The following FREM1 variants were observed in gnomAD, a reference collection of about 807,000 sequenced individuals.
The protein encoded by FREM1 is FRAS1 related extracellular matrix 1.
FREM1 carries 220 observed loss-of-function variants against 210.1 expected under a neutral mutation model. That is an observed-to-expected ratio of 1.05 (90% CI 0.94 to 1.17). The LOEUF is 1.17. Among genes scored for constraint, FREM1 ranks in the 50% most tolerant of loss-of-function variants. The pLI, the probability that FREM1 is intolerant of heterozygous loss-of-function variation, is 0.00. For missense variants in FREM1, 3,454 were observed against 2,675.5 expected (o/e 1.29, Z -6.42); for synonymous variants, 1,189 against 980.2 (o/e 1.21, Z -3.98).
At chr9:14,892,837 C>T (rs979697755) in intron 1 of FREM1, among the ~76,000 whole-genome samples, 3 of 152,162 alleles carry the variant, frequency 2.0e-5, no homozygotes, top group African/African-American at 7.2e-5. Context: ...CAATGCTTTT[C>T]TCTCTCTCCT....
chr9:14,739,889 T>A (rs1014837048), intron 36 of FREM1, among the ~76,000 whole-genome samples: 3 of 152,186 alleles, frequency 2.0e-5, no homozygotes, highest in African/African-American at 7.2e-5. Context: ...TTTAGAAATG[T>A]TATTGCATTG....
Position 14,776,011 on chromosome 9 carries a change from G to A in FREM1, c.4635C>T (p.Leu1545=). 6.2e-7 allele frequency: 1 copy of A among 1,614,010 alleles called. No individual in the cohort carries two copies. The highest frequency in any genetic ancestry group is 8.5e-7 in the Non-Finnish European group (1 of 1,179,876). Reference sequence around the variant, plus strand: ...GGCCATGCTGGGGGAGCTGAACCAAGAGGAAGGTGAGGTTCTCCGCAGGTG... The same window carrying A: ...GGCCATGCTGGGGGAGCTGAACCAAAAGGAAGGTGAGGTTCTCCGCAGGTG... ...PDTPAENLTF[L]LVQLPQHGQL... is the part of the protein sequence containing the mutation. Residue 1545 remains leucine, a synonymous_variant, in exon 25 of 37, where the codon CTC becomes CTT. Coordinates refer to ENST00000380880, the MANE Select transcript of FREM1 (RefSeq NM_001379081.2).
chr9:14,738,787 A>T (rs1213189516), intron 36 of FREM1, among the ~76,000 whole-genome samples: 1 of 152,036 alleles, frequency 6.6e-6, no homozygotes, highest in Non-Finnish European at 1.5e-5. Flanking sequence ...AGGCAGGTGG[A>T]TCACCTGAGG....
chr9:14,775,021 C>G (rs1019455918), intron 25 of FREM1, among the ~76,000 whole-genome samples: 12 of 152,194 alleles, frequency 7.9e-5, no homozygotes, highest in African/African-American at 1.2e-4. Context: ...TTACCCTCAT[C>G]ATTATTATAT....
chr9:14,776,385 AAATGG>A, intron 24 of FREM1, 182 bp from the exon 25 acceptor site: 1 of 551,830 alleles, frequency 1.8e-6, no homozygotes, highest in Non-Finnish European at 3.0e-6. Flanking sequence ...AGTAATGCAT[AAATGG>A]ACCATTCTAC....
At chr9:14,904,114 CAAAAAAAAAAAA>C (rs35708320) in intron 1 of FREM1, among the ~76,000 whole-genome samples, 1 of 71,668 alleles carries the variant, frequency 1.4e-5, no homozygotes, top group South Asian at 6.0e-4. Flanking sequence ...GACTCCGTCT[CAAAAAAAAAAAA>C]AAAAAAAAAA....
chr9:14,769,508 T>G (rs1847131558), intron 27 of FREM1, among the ~76,000 whole-genome samples: 1 of 152,204 alleles, frequency 6.6e-6, no homozygotes, highest in African/African-American at 2.4e-5. Flanking sequence ...ACTTAGCTTT[T>G]TAATGTTTCT....
chr9:14,750,277 C>G lies in FREM1; in HGVS notation c.5408-1G>C. ...ATATTCCACATCTTAGTTGACATTC[C>G]TACAAGAAGTAAACATTTTAATTAC... On this transcript the variant is annotated splice_acceptor_variant, in intron 29 of 36. Coordinates refer to ENST00000380880, the MANE Select transcript of FREM1 (RefSeq NM_001379081.2). LOFTEE classifies it high-confidence loss of function. The G allele has an allele frequency of 1.9e-6, 3 of 1,603,986 alleles. No individual in the cohort carries two copies. The South Asian group carries it at 3.4e-5, about 18-fold the overall frequency.
In FREM1 at chr9:14,848,767, A is replaced by G. The variant is rs1402019929; in HGVS notation, c.1159T>C (p.Leu387=). 7 of 1,600,708 alleles carry G rather than the reference A, an allele frequency of 4.4e-6. No individual in the cohort carries two copies. Among genetic ancestry groups the G allele is most frequent in the South Asian group, 1.1e-5 (1 of 90,776 alleles). ...HSERRHDEVE[L]EVYDFFFERS... ...TCAAAGAAGAAGTCGTATACCTCCA[A>G]TTCTACCTGTAAACAAACAGAGGCA... Residue 387 remains leucine, a synonymous_variant, in exon 7 of 37, where the codon TTG becomes CTG. Coordinates refer to ENST00000380880, the MANE Select transcript of FREM1 (RefSeq NM_001379081.2).
chr9:14,838,125 G>C (rs1300092194), intron 10 of FREM1, among the ~76,000 whole-genome samples: 1 of 152,184 alleles, frequency 6.6e-6, no homozygotes. Flanking sequence ...TAGTTTTGCT[G>C]TGTGTGTCAA....
At chr9:14,826,953 T>G (rs993565231) in intron 10 of FREM1, among the ~76,000 whole-genome samples, 3 of 152,160 alleles carry the variant, frequency 2.0e-5, no homozygotes. Context: ...TTCTATTATT[T>G]ATACATTACC....
chr9:14,861,583 C>G (rs575469298), intron 3 of FREM1, among the ~76,000 whole-genome samples: 106 of 149,418 alleles, frequency 7.1e-4, no homozygotes, highest in Non-Finnish European at 1.2e-3. Context: ...CTCGGCTCAC[C>G]GCAACCTCTG....
chr9:14,908,100 C>T (rs915310693), intron 1 of FREM1, among the ~76,000 whole-genome samples: 1 of 152,136 alleles, frequency 6.6e-6, no homozygotes, highest in Non-Finnish European at 1.5e-5. Flanking sequence ...CTCTGATGGC[C>T]ATGTCCAGTT....
intron 10 of FREM1, among the ~76,000 whole-genome samples, chr9:14,840,614 C>A (rs1455248359): frequency 6.6e-6 from 1 of 152,194 alleles, no homozygotes; most frequent in African/African-American, 2.4e-5. Flanking sequence ...AATTACCTCC[C>A]ACCAGGTTCC....
chr9:14,754,699 T>C (rs1843978944), intron 29 of FREM1, among the ~76,000 whole-genome samples: 1 of 152,036 alleles, frequency 6.6e-6, no homozygotes, highest in Non-Finnish European at 1.5e-5. Flanking sequence ...TTTGGGAGGC[T>C]GAGGTAGGCA....
intron 1 of FREM1, among the ~76,000 whole-genome samples, chr9:14,908,058 T>A (rs7034380): frequency 3.9e-5 from 6 of 151,996 alleles, no homozygotes; most frequent in Admixed American, 2.0e-4. Flanking sequence ...CACCTAAATG[T>A]TTGGAATGAG....
chr9:14,851,863 ACAT>A (rs1383831431), intron 5 of FREM1, among the ~76,000 whole-genome samples: 3 of 152,172 alleles, frequency 2.0e-5, no homozygotes, highest in Non-Finnish European at 4.4e-5. Flanking sequence ...GGTGACTCTT[ACAT>A]GCAGCCAGGT....
intron 28 of FREM1, among the ~76,000 whole-genome samples, chr9:14,758,608 A>C (rs1844846530): frequency 6.6e-6 from 1 of 151,506 alleles, no homozygotes; most frequent in Non-Finnish European, 1.5e-5. Context: ...TTCATTATTA[A>C]ATTGAGACTT....
intron 18 of FREM1, 121 bp downstream of exon 18, chr9:14,806,540 C>T (rs1300138425): frequency 3.0e-6 from 2 of 662,876 alleles, no homozygotes; most frequent in African/African-American, 3.6e-5. Flanking sequence ...AGGCATCAGC[C>T]ACCACGCCCG....
Sources: gnomAD v4.1 joint callset for allele counts (sites outside exome capture counted in the v4.1 genomes callset) on GRCh38, gnomAD v4.1.1 for gene constraint, MANE v1.5 for transcripts, NCBI Gene and HGNC (gene_info 2026-07-23, HGNC 2026-07-21) for gene names.